Variants in SOD2 observed in about 807,000 individuals in gnomAD.
The protein encoded by SOD2 is superoxide dismutase 2.
Under a neutral mutation model 27.0 loss-of-function variants are expected in SOD2, and 11 were observed. The observed-to-expected ratio is 0.41, with a 90% CI of 0.26 to 0.67. The LOEUF (loss-of-function observed/expected upper bound fraction) is 0.67. Ranked by LOEUF, SOD2 falls within the 30% of genes least tolerant of loss-of-function variation. The probability of loss-of-function intolerance (pLI) is 0.34; values close to 1 mark genes in which losing one functional copy is unlikely to be tolerated. For synonymous variants in SOD2, 105 were observed against 103.0 expected (o/e 1.02, Z -0.12); for missense variants, 250 against 274.5 (o/e 0.91, Z 0.63).
At chr6:159,734,197 A>G (rs1319429762) in intron 1 of SOD2, among the ~76,000 whole-genome samples, 2 of 151,812 alleles carry the variant, frequency 1.3e-5, no homozygotes, top group African/African-American at 4.9e-5. Context: ...TGTTTTAATG[A>G]GAGACAGGGT....
intron 1 of SOD2, among the ~76,000 whole-genome samples, chr6:159,734,164 G>GGT (rs966841245): frequency 6.6e-6 from 1 of 151,914 alleles, no homozygotes; most frequent in African/African-American, 2.4e-5. Flanking sequence ...AAGTAGTCTT[G>GGT]GTGTGTGTGT....
chr6:159,747,765 T>C (rs149455559), upstream of SOD2, among the ~76,000 whole-genome samples: 868 of 152,262 alleles, frequency 5.7e-3, 7 homozygotes, highest in African/African-American at 0.02. Context: ...TTTTAGTAAA[T>C]ATAATGTTGA....
rs1582996032 is a variant in SOD2, at chr6:159,676,402, G to A, written c.*6091C>T. 6.6e-6 allele frequency: 1 copy of A among 152,128 alleles called. No homozygotes were observed. The highest frequency in any genetic ancestry group is 2.4e-5 in the African/African-American group (1 of 41,420). The allele number at this position is 152,128 out of a possible 1,614,324, so 9.4% of individuals were successfully genotyped here. A position where few individuals can be genotyped will look rare whatever the true frequency, so the allele number is the denominator to read the frequency against. Reference sequence around the variant, plus strand: ...GAAGATGTGGCACATATACACCATGGAATACTATGCAGCCATAAAAAAGGA... The same window carrying A: ...GAAGATGTGGCACATATACACCATGAAATACTATGCAGCCATAAAAAAGGA... On this transcript the variant is annotated 3_prime_UTR_variant, in exon 5 of 5. Coordinates refer to ENST00000538183, the MANE Select transcript of SOD2 (RefSeq NM_000636.4).
At chr6:159,734,837 TGTC>T (rs1314012200) in intron 1 of SOD2, among the ~76,000 whole-genome samples, 6 of 152,232 alleles carry the variant, frequency 3.9e-5, no homozygotes, top group African/African-American at 1.4e-4. Context: ...TAGCTCTTCA[TGTC>T]GTATACTTTT....
intron 1 of SOD2, among the ~76,000 whole-genome samples, chr6:159,732,824 G>A (rs1428227948): frequency 1.3e-5 from 2 of 151,842 alleles, no homozygotes; most frequent in Non-Finnish European, 2.9e-5. Context: ...GGCGCAGGGG[G>A]AGGGGGAGTG....
exon 1 of SOD2, chr6:159,727,274 T>C: frequency 7.8e-7 from 1 of 1,281,588 alleles, no homozygotes; most frequent in Non-Finnish European, 1.0e-6. Context: ...ACCTTTCCTC[T>C]CCTGGCGGGG....
chr6:159,730,318 A>G (rs1042915820), upstream of SOD2, among the ~76,000 whole-genome samples: 1 of 152,222 alleles, frequency 6.6e-6, no homozygotes, highest in Non-Finnish European at 1.5e-5. Flanking sequence ...ATTGACTCCA[A>G]ATGATGTTAT....
upstream of SOD2, among the ~76,000 whole-genome samples, chr6:159,694,113 A>G (rs910252072): frequency 6.6e-6 from 1 of 152,234 alleles, no homozygotes; most frequent in African/African-American, 2.4e-5. Flanking sequence ...CCTGGCAGTC[A>G]TGTTTTGTGT....
At chr6:159,729,135 A>G (rs1025100603), upstream of SOD2, among the ~76,000 whole-genome samples, 2 of 152,238 alleles carry the variant, frequency 1.3e-5, no homozygotes, top group Non-Finnish European at 2.9e-5. Context: ...TGTACAGTAC[A>G]TTAAAGCGTT....
rs997557459 is a variant in SOD2 at position 159,669,555 on chromosome 6, C to T, written c.*12938G>A. ...GCACAGTGGCTCATGCCTATAATCC[C>T]AGCACCTTAGGAGGCCAAAGCAGGA... is the stretch of plus-strand genomic sequence containing the variant. On this transcript the variant is annotated 3_prime_UTR_variant, in exon 5 of 5. Transcript: ENST00000538183. The T allele has an allele frequency of 2.6e-5, 4 of 152,076 alleles. No individual in the cohort carries two copies. Among genetic ancestry groups the T allele is most frequent in the Admixed American group, 6.6e-5 (1 of 15,260 alleles). The allele number at this position is 152,076 out of a possible 1,614,324, so 9.4% of individuals were successfully genotyped here. A position where few individuals can be genotyped will look rare whatever the true frequency, so the allele number is the denominator to read the frequency against.
chr6:159,735,240 A>G (rs1042707032), intron 1 of SOD2, among the ~76,000 whole-genome samples: 1 of 152,148 alleles, frequency 6.6e-6, no homozygotes, highest in Admixed American at 6.5e-5. Context: ...TCCCAGGTTC[A>G]GGCGATTCCT....
intron 3 of SOD2, among the ~76,000 whole-genome samples, 186 bp from the exon 4 acceptor site, chr6:159,685,219 C>CTTTTTTTTTTTTTTTTTTTT (rs750824041): frequency 2.2e-4 from 16 of 73,918 alleles, no homozygotes; most frequent in African/African-American, 3.2e-4. Flanking sequence ...ATAACTTCAA[C>CTTTTTTTTTTTTTTTTTTTT]TTTTTTTTTT....
At chr6:159,741,970 A>G (rs1445751720) in intron 1 of SOD2, 8 of 779,684 alleles carry the variant, frequency 1.0e-5, no homozygotes, top group Non-Finnish European at 1.7e-5. Flanking sequence ...TAGATTTAAA[A>G]TGAAAAATCC....
intron 1 of SOD2, among the ~76,000 whole-genome samples, chr6:159,720,920 G>C (rs1057105359): frequency 3.9e-4 from 54 of 136,848 alleles, no homozygotes; most frequent in African/African-American, 1.3e-3. Flanking sequence ...GCAATGGCGC[G>C]ATCTCGGCTC....
At chr6:159,703,115 G>A (rs1777557168) in intron 1 of SOD2, among the ~76,000 whole-genome samples, 1 of 152,122 alleles carries the variant, frequency 6.6e-6, no homozygotes, top group Non-Finnish European at 1.5e-5. Flanking sequence ...GGGAGTTCGA[G>A]ACCAGCCTGA....
chr6:159,731,277 A>C (rs1435232678), upstream of SOD2, among the ~76,000 whole-genome samples: 1 of 151,914 alleles, frequency 6.6e-6, no homozygotes, highest in Non-Finnish European at 1.5e-5. Context: ...CCTGGGCAAC[A>C]TAGCAAGACC....
chr6:159,704,267 AGACAGTGGGTGGAG>A (rs1326462130), intron 1 of SOD2, among the ~76,000 whole-genome samples: 2 of 152,202 alleles, frequency 1.3e-5, no homozygotes, highest in Non-Finnish European at 2.9e-5. Context: ...GGGGCTTGTC[AGACAGTGGGTGGAG>A]GACAGTGGGT....
At chr6:159,754,093 C>CT (rs1258887925) in intron 1 of SOD2, among the ~76,000 whole-genome samples, 2 of 152,156 alleles carry the variant, frequency 1.3e-5, no homozygotes, top group Non-Finnish European at 2.9e-5. Flanking sequence ...AGCCTCCATC[C>CT]TTTTTAGTGC....
Position 159,679,454 on chromosome 6 carries a change from ATTAC to A in SOD2, c.*3035_*3038del, listed in dbSNP as rs1287855517. Reference sequence around the variant, plus strand: ...ATAGATTTTAACTTTATGGTTTGGTATTACTTTTTTAAAGGCGCTCAATAGAAAT... The same window carrying A: ...ATAGATTTTAACTTTATGGTTTGGTATTTTTTAAAGGCGCTCAATAGAAAT... On this transcript the variant is annotated 3_prime_UTR_variant, in exon 5 of 5. Transcript: ENST00000538183. The A allele has an allele frequency of 5.9e-5, 9 of 152,252 alleles. No individual in the cohort carries two copies. In the East Asian group the frequency reaches 7.7e-4, roughly 13 times the overall value. The allele number at this position is 152,252 out of a possible 1,614,324, so 9.4% of individuals were successfully genotyped here.
Sources: allele counts gnomAD v4.1 joint callset (sites outside exome capture counted in the v4.1 genomes callset), GRCh38; gene constraint gnomAD v4.1.1; transcripts MANE v1.5; gene names NCBI Gene and HGNC (gene_info 2026-07-23, HGNC 2026-07-21).